Variants in CFAP46 observed in about 807,000 individuals in gnomAD.
CFAP46 encodes the protein cilia- and flagella-associated protein 46.
A neutral mutation model predicts 325.7 loss-of-function variants in CFAP46; 245 were observed. The ratio of observed to expected loss-of-function variants is 0.75; its 90% CI spans 0.68 to 0.84. The LOEUF is 0.84. Ranked by LOEUF, CFAP46 falls within the 40% of genes least tolerant of loss-of-function variation. The probability of loss-of-function intolerance (pLI) is 0.00; values close to 1 mark genes in which losing one functional copy is unlikely to be tolerated. For missense variants in CFAP46, 3,346 were observed against 3,543.0 expected, an observed-to-expected ratio of 0.94 and a Z score of 1.41; for synonymous variants, 1,523 against 1,495.9, an observed-to-expected ratio of 1.02 and a Z score of -0.42.
At chr10:132,892,027 T>C (rs974940078) in intron 25 of CFAP46, among the ~76,000 whole-genome samples, 2 of 152,188 alleles carry the variant, frequency 1.3e-5, no homozygotes, top group Non-Finnish European at 2.9e-5. Flanking sequence ...TCACGGGTCA[T>C]GCTCCTCACA....
chr10:132,836,236 G>T lies in CFAP46; in HGVS notation c.6537-18C>A. 6.2e-7 allele frequency: 1 copy of T among 1,609,988 alleles called. No individual in the cohort carries two copies. On this transcript the variant is annotated intron_variant, in intron 45 of 57. Coordinates refer to ENST00000368586, the MANE Select transcript of CFAP46 (RefSeq NM_001200049.3). ...GACGGGACCTGCTGGCAGGACGTGG[G>T]CCAGGGTCGCAGGCAAGCCATGAAG...
intron 8 of CFAP46, among the ~76,000 whole-genome samples, chr10:132,933,578 A>C (rs1196678296): frequency 6.6e-6 from 1 of 152,058 alleles, no homozygotes; most frequent in Non-Finnish European, 1.5e-5. Context: ...CCTCCCAAAA[A>C]CAGACCCACC....
chr10:132,890,119 G>A (rs150580664), intron 25 of CFAP46, among the ~76,000 whole-genome samples: 16 of 152,174 alleles, frequency 1.1e-4, no homozygotes, highest in African/African-American at 3.9e-4. Flanking sequence ...AAAATATAGC[G>A]TGGCTTCCAG....
At chr10:132,842,625 T>A (rs1848363875) in intron 44 of CFAP46, among the ~76,000 whole-genome samples, 1 of 152,252 alleles carries the variant, frequency 6.6e-6, no homozygotes, top group Non-Finnish European at 1.5e-5. Context: ...CTGGTACCAA[T>A]TTTCTTAGTC....
chr10:132,876,142 C>T lies in CFAP46; in HGVS notation c.4362+670G>A, dbSNP rs1434267911. Among the ~76,000 whole-genome samples, 1 of 152,250 alleles carries T rather than the reference C, an allele frequency of 6.6e-6. No homozygotes were observed. Among genetic ancestry groups the T allele is most frequent in the Admixed American group, 6.5e-5 (1 of 15,288 alleles). ...TGTGGCCAGGGGTGTCCCATTAAAC[C>T]AAGGGGAATGCCCCTGCCCACCCAC... is the stretch of plus-strand genomic sequence containing the variant. On this transcript the variant is annotated intron_variant, in intron 31 of 57. Coordinates refer to ENST00000368586, the MANE Select transcript of CFAP46 (RefSeq NM_001200049.3). This position sits in a 1 kb window ranked among gnomAD's most constrained non-coding sequence, Gnocchi z 4.1.
At chr10:132,878,210 G>C in intron 29 of CFAP46, 123 bp from the exon 30 acceptor site, 2 of 890,134 alleles carry the variant, frequency 2.2e-6, no homozygotes, top group African/African-American at 1.7e-5. Flanking sequence ...TAGTGCTCTG[G>C]TGGTCTTGCG....
At chr10:132,821,556 CGTGTGCTGTGTGTGCGCTGAT>C (rs1847829990) in intron 50 of CFAP46, among the ~76,000 whole-genome samples, 2 of 70,846 alleles carry the variant, frequency 2.8e-5, no homozygotes, top group East Asian at 4.8e-4. Context: ...TGTGTGCTGA[CGTGTGCTGTGTGTGCGCTGAT>C]GTGTGCTGTG....
chr10:132,850,275 T>G lies in CFAP46; in HGVS notation c.5921A>C (p.His1974Pro), dbSNP rs751413993. The change falls in exon 41 of 58, where the codon CAC becomes CCC. Residue 1974 changes from histidine (H) to proline (P), a missense_variant. Physicochemically the swap from His to Pro is moderately conservative, Grantham distance 77. Transcript: ENST00000368586. ...HLLAMQADPV[H>P]PTCYWEAGPS... ...GCCCGCCTCCCAGTAGCAGGTAGGG[T>G]GCACAGGGTCAGCTTGCATGGCCAG... 8 of 1,550,512 alleles carry G rather than the reference T, an allele frequency of 5.2e-6. No individual in the cohort carries two copies. Among genetic ancestry groups the G allele is most frequent in the Non-Finnish European group, 5.2e-6 (6 of 1,146,950 alleles).
At position 132,822,283 on chromosome 10, in the gene CFAP46, C is replaced by T. The variant is rs1217594879; in HGVS notation, c.7118-7369G>A. 5.6e-4 allele frequency among the ~76,000 whole-genome samples: 38 copies of T among 67,650 alleles called. 1 individual carries two copies. Among genetic ancestry groups the T allele is most frequent in the African/African-American group, 1.8e-3 (37 of 20,598 alleles). 44.4% of individuals were successfully genotyped at this position (67,650 alleles called of 152,430 possible). On this transcript the variant is annotated intron_variant, in intron 50 of 57. Transcript: ENST00000368586. ...GTGCTGTGTGTGTGCTGTGTGAGTGCTGGTGTGCTGATGTGTGCACTGTGT... is the reference window on the plus strand; with the variant it reads ...GTGCTGTGTGTGTGCTGTGTGAGTGTTGGTGTGCTGATGTGTGCACTGTGT...
chr10:132,879,608 G>A lies in CFAP46; in HGVS notation c.3823C>T (p.Pro1275Ser). The change falls in exon 29 of 58, where the codon CCC (proline) becomes TCC (serine). Residue 1275 changes from proline to serine, a missense_variant. By Grantham distance (74) the Pro-to-Ser change is moderately conservative. Coordinates refer to ENST00000368586, the MANE Select transcript of CFAP46 (RefSeq NM_001200049.3). ...GCCTCGGACACGGGGCTCCGTGGGG[G>A]CATCTCCACAGCCACGTACTCCCCT... The part of the protein sequence containing the change: ...PDGEYVAVEM[P>S]PRSPVSEAEE... 1 of 1,542,040 alleles carries A rather than the reference G, an allele frequency of 6.5e-7. No homozygotes were observed. The highest frequency in any genetic ancestry group is 2.5e-5 in the East Asian group (1 of 40,804).
intron 10 of CFAP46, among the ~76,000 whole-genome samples, chr10:132,925,195 G>C (rs1263061125): frequency 1.3e-5 from 2 of 152,210 alleles, no homozygotes; most frequent in South Asian, 2.1e-4. Context: ...GCCTGTGCTC[G>C]CTACGCTTCC....
chr10:132,938,524 G>A, intron 5 of CFAP46, 65 bp downstream of exon 5: 1 of 1,497,322 alleles, frequency 6.7e-7, no homozygotes, highest in African/African-American at 1.4e-5. Context: ...GAGAAGGGGT[G>A]GTGGCCTCAG....
At chr10:132,818,575 A>G (rs1246721285) in intron 50 of CFAP46, among the ~76,000 whole-genome samples, 1 of 152,160 alleles carries the variant, frequency 6.6e-6, no homozygotes, top group African/African-American at 2.4e-5. Context: ...ATAACAGGCC[A>G]GGTGCGGTGG....
In CFAP46 at chr10:132,889,043, T is replaced by G. The variant is rs1217247844; in HGVS notation, c.3305-3084A>C. Among the ~76,000 whole-genome samples the G allele has an allele frequency of 6.6e-6, 1 of 152,176 alleles. No homozygotes were observed. The highest frequency in any genetic ancestry group is 6.5e-5 in the Admixed American group (1 of 15,284). ...CTCACGCCCTTTCTCTTTTCAGAAG[T>G]CTGGTGCTTTTCTGTAATTTTAAAG... is the stretch of plus-strand genomic sequence containing the variant. On this transcript the variant is annotated intron_variant, in intron 25 of 57. Coordinates refer to ENST00000368586, the MANE Select transcript of CFAP46 (RefSeq NM_001200049.3). This position sits in a 1 kb window ranked among gnomAD's most constrained non-coding sequence, Gnocchi z 6.0.
At chr10:132,812,093 A>C (rs1406561644) in intron 55 of CFAP46, among the ~76,000 whole-genome samples, 2 of 152,208 alleles carry the variant, frequency 1.3e-5, no homozygotes, top group Non-Finnish European at 2.9e-5. Context: ...TGGCCTCGGC[A>C]CAAGGCTGAG....
chr10:132,869,265 G>C lies in CFAP46; in HGVS notation c.4610+9C>G, dbSNP rs778593022. On this transcript the variant is annotated intron_variant, in intron 33 of 57. Coordinates refer to ENST00000368586, the MANE Select transcript of CFAP46 (RefSeq NM_001200049.3). This position sits in a 1 kb window ranked among gnomAD's most constrained non-coding sequence, Gnocchi z 6.2. Reference sequence around the variant, plus strand: ...AACCCCAGGCGGCGCAGGGTGGGACGGCACACACCTGGCCTGCTCCAGCTC... The same window carrying C: ...AACCCCAGGCGGCGCAGGGTGGGACCGCACACACCTGGCCTGCTCCAGCTC... 2.0e-6 allele frequency: 3 copies of C among 1,521,338 alleles called. No individual in the cohort carries two copies. Among genetic ancestry groups the C allele is most frequent in the Non-Finnish European group, 2.6e-6 (3 of 1,132,308 alleles). The allele number at this position is 1,521,338 out of a possible 1,614,324, so 94.2% of individuals were successfully genotyped here.
In CFAP46 at chr10:132,831,326, T is replaced by G. The variant is rs112932995; in HGVS notation, c.7117+2032A>C. On this transcript the variant is annotated intron_variant, in intron 50 of 57. Transcript: ENST00000368586. ...ATTTGATGCATATTTGTTCCATCAC[T>G]GTTGAGAAAGGGATGTTGACCTCCC... Among the ~76,000 whole-genome samples the G allele has an allele frequency of 2.0e-5, 3 of 152,210 alleles. 1 individual carries two copies. The highest frequency in any genetic ancestry group is 7.2e-5 in the African/African-American group (3 of 41,532).
intron 8 of CFAP46, among the ~76,000 whole-genome samples, chr10:132,931,064 TCCCTCCTCTCCACACAGAGCCTGGGCC>T (rs1237001959): frequency 1.3e-4 from 10 of 76,098 alleles, no homozygotes; most frequent in South Asian, 6.6e-4. Context: ...AGCCTGGGCC[TCCCTCCTCTCCACACAGAGCCTGGGCC>T]TCCCCACACT....
intron 35 of CFAP46, among the ~76,000 whole-genome samples, chr10:132,864,465 TG>T (rs1848777986): frequency 1.0e-5 from 1 of 97,760 alleles, no homozygotes; most frequent in Non-Finnish European, 2.1e-5. Context: ...CCTGTCCCCC[TG>T]CCTGAGACCT....
Sources: gnomAD v4.1 joint callset for allele counts (sites outside exome capture counted in the v4.1 genomes callset) on GRCh38, gnomAD v4.1.1 for gene constraint, Gnocchi (gnomAD v3.1) non-coding constraint, MANE v1.5 for transcripts, NCBI Gene and HGNC (gene_info 2026-07-23, HGNC 2026-07-21) for gene names.